TMEM207: variants seen among roughly 807,000 people sequenced by gnomAD.
TMEM207 encodes the protein transmembrane protein 207.
A neutral mutation model predicts 17.4 loss-of-function variants in TMEM207; 15 were observed. That is an observed-to-expected ratio of 0.86 (90% confidence interval 0.58 to 1.33). The LOEUF (loss-of-function observed/expected upper bound fraction) is 1.33, where lower values mean the gene tolerates loss of function less well. Ranked by LOEUF, TMEM207 falls within the 40% of genes most tolerant of loss-of-function variation. The pLI, the probability that TMEM207 is intolerant of heterozygous loss-of-function variation, is 0.00. For missense variants in TMEM207, 205 were observed against 173.8 expected (o/e 1.18, Z -1.01); for synonymous variants, 70 against 65.6 (o/e 1.07, Z -0.33).
Position 190,429,256 on chromosome 3 carries a change from T to C in TMEM207, c.*339A>G, listed in dbSNP as rs1032666200. On this transcript the variant is annotated 3_prime_UTR_variant, in exon 5 of 5. Transcript: ENST00000354905. ...CTAGGAAAGAGTTTAAAGCAGAAAA[T>C]GGTGTGCTGTATACTGCAGTGGAGT... 7 of 171,296 alleles carry C rather than the reference T, an allele frequency of 4.1e-5. No homozygotes were observed. The highest frequency in any genetic ancestry group is 7.4e-5 in the Non-Finnish European group (6 of 80,608). 10.6% of individuals were successfully genotyped at this position (171,296 alleles called of 1,614,324 possible).
chr3:190,444,201 A>G (rs1719996724), intron 2 of TMEM207, among the ~76,000 whole-genome samples: 1 of 152,234 alleles, frequency 6.6e-6, no homozygotes, highest in Admixed American at 6.5e-5. Flanking sequence ...TTCATGTGAA[A>G]TAACGGACTC....
At chr3:190,438,170 A>G (rs543681928) in intron 4 of TMEM207, among the ~76,000 whole-genome samples, 1 of 151,936 alleles carries the variant, frequency 6.6e-6, no homozygotes, top group East Asian at 1.9e-4. Flanking sequence ...TGGGTGTAGC[A>G]CACCAGCATG....
intron 4 of TMEM207, among the ~76,000 whole-genome samples, chr3:190,434,499 C>T (rs112823637): frequency 0.023 from 3,440 of 152,270 alleles, 60 homozygotes; most frequent in South Asian, 0.056. Context: ...CTTCCCCAGC[C>T]ACATGGAACT....
chr3:190,433,696 A>AG (rs1286013163), intron 4 of TMEM207, among the ~76,000 whole-genome samples: 2 of 152,086 alleles, frequency 1.3e-5, no homozygotes, highest in Admixed American at 6.6e-5. Flanking sequence ...CACATTTGAG[A>AG]GGGGGGAGAA....
intron 4 of TMEM207, among the ~76,000 whole-genome samples, chr3:190,433,563 T>C (rs1052604712): frequency 1.1e-4 from 17 of 152,184 alleles, no homozygotes; most frequent in African/African-American, 4.1e-4. Flanking sequence ...GGGATACAGA[T>C]GGTCATGTGA....
rs747158486 is a variant in TMEM207, at chr3:190,441,534, A to G, written c.114-52T>C. 6.1e-6 allele frequency: 9 copies of G among 1,464,422 alleles called. No individual in the cohort carries two copies. The East Asian group carries it at 1.6e-4, about 26-fold the overall frequency. 90.7% of individuals were successfully genotyped at this position (1,464,422 alleles called of 1,614,324 possible). A position where few individuals can be genotyped will look rare whatever the true frequency, so the allele number is the denominator to read the frequency against. Reference sequence around the variant, plus strand: ...CTGGAACTCAGGATAGCCAAAGCCTATTTCTTTCACCCAATAAAATTGGTA... The same window carrying G: ...CTGGAACTCAGGATAGCCAAAGCCTGTTTCTTTCACCCAATAAAATTGGTA... On this transcript the variant is annotated intron_variant, in intron 2 of 4. Transcript: ENST00000354905.
intron 4 of TMEM207, among the ~76,000 whole-genome samples, chr3:190,438,306 T>C (rs952668932): frequency 2.0e-5 from 3 of 151,820 alleles, no homozygotes; most frequent in Non-Finnish European, 2.9e-5. Context: ...TTTCTTTTTT[T>C]TTTTGCCTGT....
intron 4 of TMEM207, among the ~76,000 whole-genome samples, chr3:190,433,157 T>C (rs374656482): frequency 6.6e-6 from 1 of 152,198 alleles, no homozygotes; most frequent in East Asian, 1.9e-4. Flanking sequence ...TAATGCCTAG[T>C]CAATTGTTTT....
At position 190,438,487 on chromosome 3, in the gene TMEM207, A is replaced by G. The variant is rs181846621; in HGVS notation, c.304+1757T>C. Among the ~76,000 whole-genome samples, 4 of 152,284 alleles carry G rather than the reference A, an allele frequency of 2.6e-5. No individual in the cohort carries two copies. The East Asian group carries it at 5.8e-4, about 22-fold the overall frequency. On this transcript the variant is annotated intron_variant, in intron 4 of 4. Transcript: ENST00000354905. ...AATCTGCCATGCAAGAAATATAAAA[A>G]CATTAGATAAAGAAGGGTATAACCA...
In TMEM207 at chr3:190,449,835, A is replaced by G. The variant is rs1447880133; in HGVS notation, c.-26T>C. ...ATTTAAAGGACAGTCAACTTAGGAT[A>G]GTGGTTTGGTGCCTGTGTTTATTTC... is the stretch of plus-strand genomic sequence containing the variant. On this transcript the variant is annotated 5_prime_UTR_variant, in exon 1 of 5. Transcript: ENST00000354905. The G allele has an allele frequency of 6.2e-7, 1 of 1,605,482 alleles. No individual in the cohort carries two copies. Among genetic ancestry groups the G allele is most frequent in the Non-Finnish European group, 8.5e-7 (1 of 1,172,452 alleles).
chr3:190,435,479 C>T (rs1863233), intron 4 of TMEM207, among the ~76,000 whole-genome samples: 127,931 of 152,152 alleles, frequency 0.84, 54,430 homozygotes, highest in African/African-American at 0.96. Flanking sequence ...AATTTGAACA[C>T]ATGAAATTGG....
At chr3:190,444,532 C>G (rs1720004729) in intron 2 of TMEM207, 14 of 848,214 alleles carry the variant, frequency 1.7e-5, no homozygotes, top group Non-Finnish European at 1.8e-5. Context: ...AAATGAGAGC[C>G]TGGTGAGGAT....
rs534757596 is a variant in TMEM207, at chr3:190,449,632, T to C, written c.75+103A>G. 8.0e-6 allele frequency: 8 copies of C among 995,008 alleles called. No homozygotes were observed. The East Asian group carries it at 2.0e-4, about 25-fold the overall frequency. 61.6% of individuals were successfully genotyped at this position (995,008 alleles called of 1,614,324 possible). On this transcript the variant is annotated intron_variant, in intron 1 of 4. Coordinates refer to ENST00000354905, the MANE Select transcript of TMEM207 (RefSeq NM_207316.3). ...AAGCTTGAAGGAAATCTTTTAAATG[T>C]AGAAGCAGTTAAGTTGCTCACATAT...
chr3:190,443,516 A>G (rs1278865765), intron 2 of TMEM207, among the ~76,000 whole-genome samples: 13 of 152,168 alleles, frequency 8.5e-5, no homozygotes, highest in Non-Finnish European at 2.9e-5. Flanking sequence ...AATCGCAGGC[A>G]TCTTTGAGAT....
At chr3:190,435,218 C>A (rs554805511) in intron 4 of TMEM207, among the ~76,000 whole-genome samples, 2 of 152,120 alleles carry the variant, frequency 1.3e-5, no homozygotes, top group Non-Finnish European at 2.9e-5. Context: ...TAGACATCCA[C>A]GACCAAGGTT....
chr3:190,431,257 T>C (rs182153619), intron 4 of TMEM207, among the ~76,000 whole-genome samples: 101 of 152,256 alleles, frequency 6.6e-4, no homozygotes, highest in African/African-American at 2.3e-3. Context: ...TACTCGTGTC[T>C]ACCTCTATAA....
chr3:190,449,834 T>A lies in TMEM207; in HGVS notation c.-25A>T, dbSNP rs1435939584. ...TATTTAAAGGACAGTCAACTTAGGA[T>A]AGTGGTTTGGTGCCTGTGTTTATTT... On this transcript the variant is annotated 5_prime_UTR_variant, in exon 1 of 5. Coordinates refer to ENST00000354905, the MANE Select transcript of TMEM207 (RefSeq NM_207316.3). The A allele has an allele frequency of 1.0e-5, 16 of 1,607,326 alleles. No homozygotes were observed. Among genetic ancestry groups the A allele is most frequent in the Non-Finnish European group, 1.1e-5 (13 of 1,174,100 alleles).
chr3:190,445,838 T>C (rs1041760879), intron 2 of TMEM207, among the ~76,000 whole-genome samples: 1 of 152,128 alleles, frequency 6.6e-6, no homozygotes, highest in African/African-American at 2.4e-5. Flanking sequence ...CAGTTTTGTT[T>C]GTTTGTTTGT....
At chr3:190,448,130 G>C (rs754836237) in intron 1 of TMEM207, among the ~76,000 whole-genome samples, 3 of 152,016 alleles carry the variant, frequency 2.0e-5, no homozygotes, top group Non-Finnish European at 4.4e-5. Context: ...TTGCTCTAAA[G>C]AGCTTTTGTG....
Sources: gnomAD v4.1 joint callset for allele counts (sites outside exome capture counted in the v4.1 genomes callset) on GRCh38, gnomAD v4.1.1 for gene constraint, MANE v1.5 for transcripts, NCBI Gene and HGNC (gene_info 2026-07-23, HGNC 2026-07-21) for gene names.